Variants in ASPH observed in about 807,000 individuals in gnomAD.
ASPH encodes aspartyl/asparaginyl beta-hydroxylase.
In ASPH, 100 loss-of-function variants were observed where a neutral mutation model predicts 118.4. That is an observed-to-expected ratio of 0.84 (90% CI 0.72 to 1.00). The LOEUF is 1.00. ASPH is among the 50% of genes least tolerant of loss of function. ASPH has a pLI of 0.00. For missense variants in ASPH, 920 were observed against 919.5 expected, an observed-to-expected ratio of 1.00 and a Z score of -0.01; for synonymous variants, 315 against 325.6, an observed-to-expected ratio of 0.97 and a Z score of 0.35.
chr8:61,698,641 C>G (rs1834498848), intron 1 of ASPH, among the ~76,000 whole-genome samples: 2 of 152,160 alleles, frequency 1.3e-5, no homozygotes, highest in Non-Finnish European at 2.9e-5. Context: ...GCTGAAAGTT[C>G]CAATCTTCTA....
chr8:61,603,213 AAAAAAG>A (rs1464263123), intron 14 of ASPH, among the ~76,000 whole-genome samples: 1 of 150,834 alleles, frequency 6.6e-6, no homozygotes, highest in African/African-American at 2.5e-5. Context: ...AAAAAAAAAA[AAAAAAG>A]AGAAAAGAAA....
At chr8:61,669,800 AC>A (rs1156305343) in intron 3 of ASPH, among the ~76,000 whole-genome samples, 3 of 152,036 alleles carry the variant, frequency 2.0e-5, no homozygotes, top group Non-Finnish European at 4.4e-5. Context: ...CCCTCTCCCT[AC>A]CCCCACTGTT....
At chr8:61,565,811 G>A (rs1831491310) in intron 17 of ASPH, among the ~76,000 whole-genome samples, 2 of 152,200 alleles carry the variant, frequency 1.3e-5, no homozygotes, top group South Asian at 4.1e-4. Flanking sequence ...GTGTTGTTAG[G>A]AGCTAATGCA....
intron 21 of ASPH, among the ~76,000 whole-genome samples, chr8:61,534,546 G>A (rs529262653): frequency 6.6e-6 from 1 of 151,992 alleles, no homozygotes; most frequent in South Asian, 2.1e-4. Context: ...TTGATTTCTT[G>A]TTGACCTGGT....
rs765178021 is a variant in ASPH at position 61,503,322 on chromosome 8, C to T, written c.*37G>A. 6.4e-7 allele frequency: 1 copy of T among 1,570,790 alleles called. No homozygotes were observed. Among genetic ancestry groups the T allele is most frequent in the South Asian group, 1.2e-5 (1 of 86,176 alleles). On this transcript the variant is annotated 3_prime_UTR_variant, in exon 25 of 25. Coordinates refer to ENST00000379454, the MANE Select transcript of ASPH (RefSeq NM_004318.4). ...AAGGAGATGGAACCAGAAAGGCAGC[C>T]TCTCTCCAGAGTTTCCCAAGCTTGC...
chr8:61,598,996 C>A lies in ASPH; in HGVS notation c.977-14967G>T, dbSNP rs925754552. Among the ~76,000 whole-genome samples, 8 of 151,954 alleles carry A rather than the reference C, an allele frequency of 5.3e-5. No homozygotes were observed. The East Asian group carries it at 1.5e-3, about 29-fold the overall frequency. On this transcript the variant is annotated intron_variant, in intron 14 of 24. Transcript: ENST00000379454. ...CCAAAACCCATGAGATACAGTAGTGCTAAGAAGGAAGTTTATAAGCACTAA... is the reference window on the plus strand; with the variant it reads ...CCAAAACCCATGAGATACAGTAGTGATAAGAAGGAAGTTTATAAGCACTAA...
chr8:61,524,009 G>A (rs1038390582), intron 22 of ASPH, among the ~76,000 whole-genome samples: 1 of 152,148 alleles, frequency 6.6e-6, no homozygotes, highest in South Asian at 2.1e-4. Flanking sequence ...TTGAGGCCAG[G>A]AGTTGGAGCT....
intron 1 of ASPH, among the ~76,000 whole-genome samples, chr8:61,704,631 C>T (rs574781377): frequency 5.3e-5 from 8 of 151,868 alleles, no homozygotes; most frequent in South Asian, 4.2e-4. Flanking sequence ...AAAGAATTAC[C>T]GCTCAGCAAC....
intron 14 of ASPH, among the ~76,000 whole-genome samples, chr8:61,589,895 T>A (rs1332673010): frequency 6.6e-6 from 1 of 152,122 alleles, no homozygotes; most frequent in African/African-American, 2.4e-5. Flanking sequence ...GTGGTACTAA[T>A]CTATTTGGGA....
chr8:61,632,894 T>A (rs559001361), intron 13 of ASPH, among the ~76,000 whole-genome samples: 90 of 152,138 alleles, frequency 5.9e-4, no homozygotes, highest in Middle Eastern at 3.4e-3. Flanking sequence ...ATGTAGAAAA[T>A]ATAAGTAAAG....
intron 1 of ASPH, among the ~76,000 whole-genome samples, chr8:61,688,428 C>T (rs1385987269): frequency 2.0e-5 from 3 of 152,072 alleles, no homozygotes; most frequent in Admixed American, 1.3e-4. Flanking sequence ...AAAATGAAGA[C>T]TCTCCAAAAC....
intron 24 of ASPH, among the ~76,000 whole-genome samples, chr8:61,505,997 G>A (rs1806396481): frequency 6.6e-6 from 1 of 152,154 alleles, no homozygotes; most frequent in Non-Finnish European, 1.5e-5. Context: ...GGGAGGAAGT[G>A]TACTCAAAAT....
chr8:61,628,168 T>G (rs931319601), intron 13 of ASPH, among the ~76,000 whole-genome samples: 1 of 151,680 alleles, frequency 6.6e-6, no homozygotes, highest in Non-Finnish European at 1.5e-5. Context: ...GATCCAAACT[T>G]TTATTTTTTG....
chr8:61,527,085 T>C (rs930728198), intron 21 of ASPH, among the ~76,000 whole-genome samples: 12 of 152,216 alleles, frequency 7.9e-5, no homozygotes, highest in Non-Finnish European at 8.8e-5. Context: ...ACATGTTAGC[T>C]GATTTCAACA....
intron 3 of ASPH, chr8:61,664,421 T>A (rs541260258): frequency 2.0e-6 from 2 of 980,414 alleles, no homozygotes; most frequent in African/African-American, 3.5e-5. Context: ...GTATCATAAA[T>A]AAAAGTGTTC....
chr8:61,556,114 T>G (rs993981529), intron 18 of ASPH, 92 bp from the exon 19 acceptor site: 14 of 1,045,808 alleles, frequency 1.3e-5, no homozygotes, highest in Non-Finnish European at 2.0e-5. Flanking sequence ...CCAGTTTTAA[T>G]TAGCTTTGTT....
At chr8:61,663,442 T>C in intron 3 of ASPH, 1 of 985,388 alleles carries the variant, frequency 1.0e-6, no homozygotes, top group East Asian at 1.1e-4. Context: ...GCCATCTTGG[T>C]TATCAAGTGG....
intron 21 of ASPH, among the ~76,000 whole-genome samples, chr8:61,545,864 C>A (rs1188377364): frequency 6.6e-6 from 1 of 152,176 alleles, no homozygotes; most frequent in Non-Finnish European, 1.5e-5. Flanking sequence ...GCCAGTAATT[C>A]ATCTAGAGTG....
intron 1 of ASPH, among the ~76,000 whole-genome samples, chr8:61,685,471 T>G (rs1248897337): frequency 1.3e-5 from 2 of 152,114 alleles, no homozygotes; most frequent in Non-Finnish European, 2.9e-5. Flanking sequence ...TTCCTTAATC[T>G]CTAATCAGTG....
Sources: gnomAD v4.1 joint callset for allele counts (sites outside exome capture counted in the v4.1 genomes callset) on GRCh38, gnomAD v4.1.1 for gene constraint, MANE v1.5 for transcripts, NCBI Gene and HGNC (gene_info 2026-07-23, HGNC 2026-07-21) for gene names.